Variants in EZH2 observed in about 807,000 individuals in gnomAD.
The protein encoded by EZH2 is enhancer of zeste 2 polycomb repressive complex 2 subunit.
A neutral mutation model predicts 98.4 loss-of-function variants in EZH2; 18 were observed. That is an observed-to-expected ratio of 0.18 (90% confidence interval 0.13 to 0.27). The LOEUF is 0.27. Among genes scored for constraint, EZH2 ranks in the 10% least tolerant of loss-of-function variants. The pLI, the probability that EZH2 is intolerant of heterozygous loss-of-function variation, is 1.00. For synonymous variants in EZH2, 338 were observed against 312.3 expected (o/e 1.08, Z -0.87); for missense variants, 470 against 935.1 (o/e 0.50, Z 6.49).
intron 1 of EZH2, among the ~76,000 whole-genome samples, chr7:148,865,613 G>A (rs1360288768): frequency 2.6e-5 from 4 of 152,158 alleles, no homozygotes; most frequent in Non-Finnish European, 5.9e-5. Context: ...TCATTCTAGA[G>A]GAAAAATGGG....
intron 14 of EZH2, 117 bp downstream of exon 14, chr7:148,814,797 T>G: frequency 8.1e-7 from 1 of 1,241,698 alleles, no homozygotes; most frequent in Non-Finnish European, 1.1e-6. Flanking sequence ...GTCAAATTGA[T>G]GAGTTTCGTC....
intron 8 of EZH2, among the ~76,000 whole-genome samples, chr7:148,824,314 C>CA (rs35218853): frequency 1.9e-3 from 251 of 132,314 alleles, no homozygotes; most frequent in Admixed American, 3.4e-3. Flanking sequence ...GACTTCGTCT[C>CA]AAAAAAAAAA....
chr7:148,853,526 G>T (rs553853008), intron 1 of EZH2, among the ~76,000 whole-genome samples: 1 of 152,204 alleles, frequency 6.6e-6, no homozygotes, highest in Non-Finnish European at 1.5e-5. Context: ...CAATCTGACA[G>T]GAGGCGGAGC....
intron 8 of EZH2, among the ~76,000 whole-genome samples, chr7:148,826,168 G>C (rs552002477): frequency 6.6e-6 from 1 of 150,980 alleles, no homozygotes; most frequent in African/African-American, 2.4e-5. Flanking sequence ...CATAATAATA[G>C]TTTTATTGTA....
At chr7:148,883,855 G>A (rs1216032372) in intron 1 of EZH2, among the ~76,000 whole-genome samples, 1 of 151,672 alleles carries the variant, frequency 6.6e-6, no homozygotes, top group East Asian at 2.0e-4. Context: ...CGGCCCCGGC[G>A]CCCCGGCCAG....
chr7:148,841,118 A>C (rs1006927801), intron 3 of EZH2, among the ~76,000 whole-genome samples: 18 of 152,134 alleles, frequency 1.2e-4, no homozygotes, highest in Admixed American at 8.5e-4. Flanking sequence ...TTTAAAATAT[A>C]AACATAATAA....
At chr7:148,845,617 CAAT>C (rs1044402230) in intron 3 of EZH2, among the ~76,000 whole-genome samples, 2 of 152,144 alleles carry the variant, frequency 1.3e-5, no homozygotes, top group African/African-American at 4.8e-5. Context: ...TTGCTTGTTA[CAAT>C]AATGTTATAT....
intron 12 of EZH2, 34 bp downstream of exon 12, chr7:148,816,650 T>A (rs753536386): frequency 6.5e-7 from 1 of 1,535,044 alleles, no homozygotes; most frequent in Non-Finnish European, 9.0e-7. Context: ...TCTATCTATG[T>A]TGACTTCTCT....
rs73158251 is a variant in EZH2, at chr7:148,808,300, C to G, written c.2196-594G>C. 8.2e-3 allele frequency among the ~76,000 whole-genome samples: 1,256 copies of G among 152,336 alleles called. 12 individuals are homozygous for G. The highest frequency in any genetic ancestry group is 0.012 in the Non-Finnish European group (790 of 68,032). On this transcript the variant is annotated intron_variant, in intron 19 of 19. Coordinates refer to ENST00000320356, the MANE Select transcript of EZH2 (RefSeq NM_004456.5). The stretch of plus-strand genomic sequence containing the variant: ...GGCCTTTGCTAAAGTGGGCCCTTCA[C>G]TCAGACCCTGTCTGCCTCACTGAGA...
intron 3 of EZH2, among the ~76,000 whole-genome samples, chr7:148,840,395 A>G (rs1812115204): frequency 6.6e-6 from 1 of 151,642 alleles, no homozygotes; most frequent in African/African-American, 2.4e-5. Flanking sequence ...CCAAAATGGA[A>G]AGGATGTATA....
At chr7:148,883,698 T>C (rs1821369175) in intron 1 of EZH2, among the ~76,000 whole-genome samples, 1 of 151,230 alleles carries the variant, frequency 6.6e-6, no homozygotes, top group Admixed American at 6.6e-5. Flanking sequence ...CAGTCCGTCC[T>C]TTGTCTGAGT....
intron 1 of EZH2, among the ~76,000 whole-genome samples, chr7:148,881,858 C>A (rs1399643458): frequency 1.3e-5 from 2 of 150,858 alleles, no homozygotes; most frequent in African/African-American, 4.9e-5. Flanking sequence ...TCCTTAAACC[C>A]GGGAGGCAGA....
chr7:148,820,728 C>T (rs1423577131), intron 8 of EZH2, among the ~76,000 whole-genome samples: 3 of 152,052 alleles, frequency 2.0e-5, no homozygotes, highest in African/African-American at 7.2e-5. Context: ...ATGAGTTAAA[C>T]TAACATTGTA....
chr7:148,820,612 T>C (rs776052296), intron 8 of EZH2, among the ~76,000 whole-genome samples: 7 of 151,654 alleles, frequency 4.6e-5, no homozygotes, highest in Non-Finnish European at 7.4e-5. Flanking sequence ...GCTCAGATTC[T>C]GTTGGAAGCG....
At position 148,825,589 on chromosome 7, in the gene EZH2, C is replaced by T. The variant is rs144650790; in HGVS notation, c.907+865G>A. ...TTGGGCAAGCTTAAAAAGACGTTAT[C>T]ATTGGTGAACGAGGAGGAATAAATC... is the stretch of plus-strand genomic sequence containing the variant. On this transcript the variant is annotated intron_variant, in intron 8 of 19. Coordinates refer to ENST00000320356, the MANE Select transcript of EZH2 (RefSeq NM_004456.5). 2.3e-4 allele frequency among the ~76,000 whole-genome samples: 35 copies of T among 152,294 alleles called. No homozygotes were observed. The East Asian group carries it at 6.4e-3, about 28-fold the overall frequency.
intron 1 of EZH2, among the ~76,000 whole-genome samples, chr7:148,874,706 C>T (rs936964512): frequency 1.3e-5 from 2 of 151,980 alleles, no homozygotes; most frequent in African/African-American, 4.8e-5. Flanking sequence ...AAAAGAACTG[C>T]TACTTTACAA....
At chr7:148,820,516 G>C (rs925493845) in intron 8 of EZH2, among the ~76,000 whole-genome samples, 1 of 147,350 alleles carries the variant, frequency 6.8e-6, no homozygotes, top group Non-Finnish European at 1.5e-5. Flanking sequence ...TTAAATATTT[G>C]TAAAAAGCCA....
At chr7:148,847,059 C>T in intron 2 of EZH2, 123 bp downstream of exon 2, 1 of 1,108,638 alleles carries the variant, frequency 9.0e-7, no homozygotes, top group Non-Finnish European at 1.3e-6. Context: ...TCCAAGTATT[C>T]ACTCATCTTA....
intron 1 of EZH2, among the ~76,000 whole-genome samples, chr7:148,876,756 A>C (rs1400586345): frequency 6.6e-6 from 1 of 152,196 alleles, no homozygotes; most frequent in Non-Finnish European, 1.5e-5. Context: ...GTAAAGGGCC[A>C]CATGGTAAGT....
Sources: allele counts gnomAD v4.1 joint callset (sites outside exome capture counted in the v4.1 genomes callset), GRCh38; gene constraint gnomAD v4.1.1; transcripts MANE v1.5; gene names NCBI Gene and HGNC (gene_info 2026-07-23, HGNC 2026-07-21).